The following UPRT variants were observed in gnomAD, a reference collection of about 807,000 sequenced individuals.
The protein encoded by UPRT is uracil phosphoribosyltransferase homolog, also known as RP11-311P8.3.
Under a neutral mutation model 22.6 loss-of-function variants are expected in UPRT, and 5 were observed. The ratio of observed to expected loss-of-function variants is 0.22; its 90% CI spans 0.12 to 0.47. The LOEUF is 0.47. UPRT is among the 20% of genes least tolerant of loss of function. UPRT has a pLI of 0.99. For synonymous variants in UPRT, 77 were observed against 87.7 expected, an observed-to-expected ratio of 0.88 and a Z score of 0.68; for missense variants, 181 against 239.9, an observed-to-expected ratio of 0.75 and a Z score of 1.62.
intron 4 of UPRT, among the ~76,000 whole-genome samples, chrX:75,196,980 G>A (rs2082334471): frequency 9.0e-6 from 1 of 111,567 alleles, no homozygotes; most frequent in Admixed American, 9.5e-5. Context: ...TTTGCAATCC[G>A]TTGGGATGTT....
At chrX:75,205,836 G>T (rs1161924848) in intron 4 of UPRT, among the ~76,000 whole-genome samples, 1 of 111,618 alleles carries the variant, frequency 9.0e-6, no homozygotes, top group African/African-American at 3.3e-5. Flanking sequence ...CTGTACATAA[G>T]GGGGAGCAGA....
intron 4 of UPRT, among the ~76,000 whole-genome samples, chrX:75,230,530 C>T (rs770819191): frequency 8.9e-6 from 1 of 112,033 alleles, no homozygotes; most frequent in African/African-American, 3.2e-5. Flanking sequence ...ACAGAAAAAT[C>T]CTGCTCCAAA....
intron 4 of UPRT, among the ~76,000 whole-genome samples, chrX:75,174,322 C>T (rs2082239842): frequency 9.0e-6 from 1 of 111,656 alleles, no homozygotes; most frequent in South Asian, 3.8e-4. Flanking sequence ...TGGGTCGGTC[C>T]AGGGGTCCCC....
intron 1 of UPRT, among the ~76,000 whole-genome samples, chrX:75,275,650 G>T (rs757899943): frequency 3.6e-5 from 4 of 111,186 alleles, no homozygotes; most frequent in African/African-American, 1.3e-4. Context: ...TTCAGTAATT[G>T]CCCTACTCAG....
intron 4 of UPRT, among the ~76,000 whole-genome samples, chrX:75,203,814 C>G (rs1383852938): frequency 8.9e-6 from 1 of 111,830 alleles, no homozygotes; most frequent in Non-Finnish European, 1.9e-5. Flanking sequence ...TTTCTCATGG[C>G]CCAAATATCC....
chrX:75,204,428 C>A (rs926562387), intron 4 of UPRT, among the ~76,000 whole-genome samples: 25 of 112,197 alleles, frequency 2.2e-4, no homozygotes, highest in Non-Finnish European at 4.3e-4. Flanking sequence ...GCTTTTTTGC[C>A]ACACAGGAAA....
intron 1 of UPRT, among the ~76,000 whole-genome samples, chrX:75,276,043 A>G (rs1160208697): frequency 1.8e-5 from 2 of 111,620 alleles, no homozygotes; most frequent in Admixed American, 9.5e-5. Flanking sequence ...CCTTCTTCAT[A>G]GTTCCTAGGA....
chrX:75,272,370 A>ATGTG (rs1569279596), upstream of UPRT, among the ~76,000 whole-genome samples: 9 of 88,132 alleles, frequency 1.0e-4, no homozygotes, highest in South Asian at 3.4e-3. Flanking sequence ...GTATATATAT[A>ATGTG]TATGTATATA....
intron 4 of UPRT, among the ~76,000 whole-genome samples, chrX:75,265,083 C>T (rs1027116376): frequency 9.0e-6 from 1 of 111,677 alleles, no homozygotes; most frequent in Admixed American, 9.5e-5. Flanking sequence ...TTGTGGGTAA[C>T]CCGACCTTTC....
chrX:75,269,128 C>G, upstream of UPRT, among the ~76,000 whole-genome samples: 1 of 109,898 alleles, frequency 9.1e-6, no homozygotes, highest in South Asian at 3.8e-4. Flanking sequence ...GACAGAGAAC[C>G]AAATAATGAG....
At chrX:75,200,877 A>G (rs1012422982) in intron 4 of UPRT, among the ~76,000 whole-genome samples, 7 of 111,613 alleles carry the variant, frequency 6.3e-5, no homozygotes, top group Admixed American at 9.5e-5. Context: ...AGCCTGGGAG[A>G]TCAAGGCTGC....
chrX:75,235,645 A>G (rs2082459218), intron 4 of UPRT, among the ~76,000 whole-genome samples: 2 of 112,023 alleles, frequency 1.8e-5, no homozygotes, highest in Admixed American at 9.5e-5. Flanking sequence ...GGTTCAATAT[A>G]CGCAAATCAA....
chrX:75,218,087 A>C (rs1473932757), intron 4 of UPRT, among the ~76,000 whole-genome samples: 1 of 111,806 alleles, frequency 8.9e-6, no homozygotes, highest in Non-Finnish European at 1.9e-5. Context: ...AACTACCATC[A>C]GAGTGAACAG....
At chrX:75,267,441 T>C (rs958844294) in intron 4 of UPRT, among the ~76,000 whole-genome samples, 2 of 111,061 alleles carry the variant, frequency 1.8e-5, no homozygotes, top group Non-Finnish European at 3.8e-5. Flanking sequence ...TGTGTGAAGG[T>C]GGGAGGGATA....
intron 4 of UPRT, among the ~76,000 whole-genome samples, chrX:75,213,090 T>C (rs1350086017): frequency 8.9e-6 from 1 of 111,953 alleles, no homozygotes; most frequent in Non-Finnish European, 1.9e-5. Context: ...TTATAAAGAG[T>C]GAATGGGATT....
intron 4 of UPRT, among the ~76,000 whole-genome samples, chrX:75,231,823 T>C (rs753350558): frequency 1.8e-5 from 2 of 112,127 alleles, no homozygotes; most frequent in South Asian, 3.7e-4. Context: ...TTATCAGTAA[T>C]TTTGTATCCA....
chrX:75,242,890 T>C (rs2082492906), intron 4 of UPRT, among the ~76,000 whole-genome samples: 1 of 111,486 alleles, frequency 9.0e-6, no homozygotes, highest in Non-Finnish European at 1.9e-5. Flanking sequence ...TATAAAAGTG[T>C]TTTGTAAAGG....
chrX:75,248,220 CTT>C (rs1224139424), intron 4 of UPRT, among the ~76,000 whole-genome samples: 4 of 111,897 alleles, frequency 3.6e-5, no homozygotes, highest in Admixed American at 2.9e-4. Flanking sequence ...CAGAGAATGA[CTT>C]TGACGAGAGA....
rs772298284 is a variant in UPRT, at chrX:75,232,728, G to C, written c.-446-58296G>C. ...CAACAGACCTGCAGCTGAGAGTCCT[G>C]TCTGTTAGAAAGAAAACTAACAAAC... On this transcript the variant is annotated intron_variant, in intron 4 of 13. Coordinates refer to the UPRT transcript ENST00000652605. Among the ~76,000 whole-genome samples the C allele has an allele frequency of 3.6e-5, 4 of 112,170 alleles. 1 individual carries two copies. Among genetic ancestry groups the C allele is most frequent in the South Asian group, 3.7e-4 (1 of 2,704 alleles).
Sources: gnomAD v4.1 joint callset for allele counts (sites outside exome capture counted in the v4.1 genomes callset) on GRCh38, gnomAD v4.1.1 for gene constraint, MANE v1.5 for transcripts, NCBI Gene and HGNC (gene_info 2026-07-23, HGNC 2026-07-21) for gene names.